ADAMTSL1: variants seen among roughly 807,000 people sequenced by gnomAD.
ADAMTSL1 encodes ADAMTS-like protein 1.
A neutral mutation model predicts 201.8 loss-of-function variants in ADAMTSL1; 126 were observed. The observed-to-expected ratio is 0.62, with a 90% CI of 0.54 to 0.72. The LOEUF is 0.72. Ranked by LOEUF, ADAMTSL1 falls within the 30% of genes least tolerant of loss-of-function variation. The pLI is 0.00. For missense variants in ADAMTSL1, 2,679 were observed against 2,277.8 expected (o/e 1.18, Z -3.59); for synonymous variants, 1,121 against 903.4 (o/e 1.24, Z -4.32).
At chr9:18,525,780 C>G (rs1243219955) in intron 2 of ADAMTSL1, among the ~76,000 whole-genome samples, 1 of 152,142 alleles carries the variant, frequency 6.6e-6, no homozygotes, top group Non-Finnish European at 1.5e-5. Context: ...ATCCTGAGGT[C>G]TAGTTTGATA....
At chr9:18,425,077 G>A (rs1174483002) in intron 2 of ADAMTSL1, among the ~76,000 whole-genome samples, 1 of 152,026 alleles carries the variant, frequency 6.6e-6, no homozygotes, top group African/African-American at 2.4e-5. Flanking sequence ...GAGAGATAGG[G>A]CTGAAATTTG....
chr9:17,987,413 T>C (rs1033121907), intron 1 of ADAMTSL1, among the ~76,000 whole-genome samples: 3 of 152,110 alleles, frequency 2.0e-5, no homozygotes, highest in Admixed American at 1.3e-4. Flanking sequence ...AATCTGACGT[T>C]ATTGTTTTAT....
At chr9:18,535,609 C>T (rs968598313) in intron 3 of ADAMTSL1, among the ~76,000 whole-genome samples, 4 of 152,190 alleles carry the variant, frequency 2.6e-5, no homozygotes, top group Admixed American at 1.3e-4. Context: ...CATTCTTATG[C>T]TGCTTTAAGA....
intron 15 of ADAMTSL1, among the ~76,000 whole-genome samples, chr9:18,744,421 C>G (rs987322034): frequency 1.1e-4 from 16 of 152,238 alleles, no homozygotes; most frequent in African/African-American, 3.9e-4. Context: ...TCTCCTCAGT[C>G]TCCAAAACCT....
chr9:17,917,272 G>A (rs189511150), intron 1 of ADAMTSL1, among the ~76,000 whole-genome samples: 54 of 152,026 alleles, frequency 3.6e-4, no homozygotes, highest in African/African-American at 9.2e-4. Flanking sequence ...CACTACCTTC[G>A]AACCTCCAGT....
At chr9:17,942,418 G>A (rs1827275338) in intron 1 of ADAMTSL1, among the ~76,000 whole-genome samples, 1 of 152,034 alleles carries the variant, frequency 6.6e-6, no homozygotes, top group African/African-American at 2.4e-5. Flanking sequence ...CATAAATGAT[G>A]TCACTGTCTA....
chr9:18,500,376 G>C (rs1196874920), intron 1 of ADAMTSL1, among the ~76,000 whole-genome samples: 1 of 152,202 alleles, frequency 6.6e-6, no homozygotes, highest in African/African-American at 2.4e-5. Context: ...ACCACAATCT[G>C]TATTCCATAA....
At chr9:18,828,702 T>TATATATATA (rs1563836176) in intron 22 of ADAMTSL1, among the ~76,000 whole-genome samples, 2 of 65,518 alleles carry the variant, frequency 3.1e-5, no homozygotes, top group African/African-American at 1.0e-4. Context: ...ATAAAATGTG[T>TATATATATA]GTGTGTGTAT....
At chr9:17,924,483 A>G (rs186494973) in intron 1 of ADAMTSL1, among the ~76,000 whole-genome samples, 110 of 152,140 alleles carry the variant, frequency 7.2e-4, no homozygotes, top group Non-Finnish European at 4.1e-4. Context: ...CCAAAACAGC[A>G]TGGTACTGGT....
chr9:17,931,926 C>T (rs900062062), intron 1 of ADAMTSL1, among the ~76,000 whole-genome samples: 4 of 152,272 alleles, frequency 2.6e-5, no homozygotes, highest in Middle Eastern at 6.8e-3. Context: ...TCATCTTCCC[C>T]TGTGTATTTT....
chr9:18,511,121 T>G (rs1342121185), intron 2 of ADAMTSL1, among the ~76,000 whole-genome samples: 2 of 152,144 alleles, frequency 1.3e-5, no homozygotes, highest in Non-Finnish European at 2.9e-5. Flanking sequence ...TCATTTGAGA[T>G]GGCAACGAGT....
At chr9:18,692,180 G>A (rs1831266629) in intron 13 of ADAMTSL1, among the ~76,000 whole-genome samples, 1 of 151,938 alleles carries the variant, frequency 6.6e-6, no homozygotes, top group Non-Finnish European at 1.5e-5. Context: ...TATTTTTAAG[G>A]GACAAATCTT....
intron 4 of ADAMTSL1, among the ~76,000 whole-genome samples, chr9:18,590,978 G>T (rs925553818): frequency 6.6e-6 from 1 of 152,150 alleles, no homozygotes; most frequent in African/African-American, 2.4e-5. Context: ...TGTTCCATGT[G>T]TTGATAGGAA....
chr9:18,199,261 A>T (rs904463933), intron 2 of ADAMTSL1, among the ~76,000 whole-genome samples: 1 of 152,102 alleles, frequency 6.6e-6, no homozygotes, highest in Non-Finnish European at 1.5e-5. Context: ...AAGTGTAATA[A>T]TAATAAAAAA....
At chr9:18,842,768 T>A (rs1416005048) in intron 23 of ADAMTSL1, among the ~76,000 whole-genome samples, 3 of 152,228 alleles carry the variant, frequency 2.0e-5, no homozygotes, top group Non-Finnish European at 4.4e-5. Flanking sequence ...CTTGTTGAAT[T>A]GATCCCTTTA....
chr9:18,425,582 G>A (rs1819174515), intron 2 of ADAMTSL1, among the ~76,000 whole-genome samples: 1 of 152,166 alleles, frequency 6.6e-6, no homozygotes, highest in Non-Finnish European at 1.5e-5. Flanking sequence ...AGGCACAGCA[G>A]CTTGCATCTG....
At chr9:17,924,342 G>C (rs1279613795) in intron 1 of ADAMTSL1, among the ~76,000 whole-genome samples, 1 of 152,020 alleles carries the variant, frequency 6.6e-6, no homozygotes, top group African/African-American at 2.4e-5. Flanking sequence ...CTTCTTCCTG[G>C]TTTAGTCTTG....
At chr9:18,241,373 C>A (rs2132449721) in intron 2 of ADAMTSL1, among the ~76,000 whole-genome samples, 1 of 152,152 alleles carries the variant, frequency 6.6e-6, no homozygotes, top group East Asian at 1.9e-4. Flanking sequence ...TTAATTTCAC[C>A]TACCTGTATT....
At chr9:17,926,324 C>G (rs993263964) in intron 1 of ADAMTSL1, among the ~76,000 whole-genome samples, 1 of 152,284 alleles carries the variant, frequency 6.6e-6, no homozygotes, top group South Asian at 2.1e-4. Context: ...TTAGGATGGA[C>G]TAGATCATGC....
Sources: gnomAD v4.1 joint callset for allele counts (sites outside exome capture counted in the v4.1 genomes callset) on GRCh38, gnomAD v4.1.1 for gene constraint, MANE v1.5 for transcripts, NCBI Gene and HGNC (gene_info 2026-07-23, HGNC 2026-07-21) for gene names.